HDAC9: variants seen among roughly 807,000 people sequenced by gnomAD.
HDAC9 encodes the protein MEF-2 interacting transcription repressor (MITR) protein.
HDAC9 carries 41 observed loss-of-function variants against 139.4 expected under a neutral mutation model. The observed-to-expected ratio is 0.29, with a 90% CI of 0.23 to 0.38. HDAC9 has a LOEUF of 0.38. HDAC9 is among the 10% of genes least tolerant of loss of function. The pLI is 1.00. For missense variants in HDAC9, 1,147 were observed against 1,297.0 expected (o/e 0.88, Z 1.78); for synonymous variants, 517 against 476.2 (o/e 1.09, Z -1.12).
At chr7:18,396,112 C>CCCTTG (rs1787020142) in intron 1 of HDAC9, among the ~76,000 whole-genome samples, 1 of 125,980 alleles carries the variant, frequency 7.9e-6, no homozygotes, top group African/African-American at 3.0e-5. Flanking sequence ...CCCTTCCCTT[C>CCCTTG]CCTTCCCTTC....
chr7:18,758,190 A>G (rs1396258673), intron 14 of HDAC9, among the ~76,000 whole-genome samples: 3 of 152,196 alleles, frequency 2.0e-5, no homozygotes, highest in African/African-American at 7.2e-5. Context: ...TATTGACTCC[A>G]GGTGAGAAAT....
chr7:18,205,952 C>T (rs1791478442), intron 2 of HDAC9, among the ~76,000 whole-genome samples: 1 of 151,906 alleles, frequency 6.6e-6, no homozygotes, highest in Non-Finnish European at 1.5e-5. Context: ...ATTGGTAATA[C>T]CTTTGGGATT....
At chr7:18,508,803 A>C (rs73685113) in intron 2 of HDAC9, among the ~76,000 whole-genome samples, 121 of 152,344 alleles carry the variant, frequency 7.9e-4, no homozygotes, top group African/African-American at 2.8e-3. Flanking sequence ...AGGAGTATGA[A>C]ATACAGTATT....
chr7:18,093,230 T>TGAAAG (rs892237682), intron 1 of HDAC9, among the ~76,000 whole-genome samples: 4 of 152,320 alleles, frequency 2.6e-5, no homozygotes, highest in African/African-American at 9.6e-5. Context: ...GTGGAGACTT[T>TGAAAG]GAAAGGCTAA....
chr7:18,421,460 A>G (rs1227934440), intron 1 of HDAC9, among the ~76,000 whole-genome samples: 1 of 151,612 alleles, frequency 6.6e-6, no homozygotes, highest in Non-Finnish European at 1.5e-5. Context: ...GAGAAAGAGA[A>G]AGAAAGAAAG....
At chr7:18,152,467 T>C (rs761374488) in intron 1 of HDAC9, among the ~76,000 whole-genome samples, 12 of 152,226 alleles carry the variant, frequency 7.9e-5, no homozygotes, top group Non-Finnish European at 1.3e-4. Flanking sequence ...GTTTCTCTTG[T>C]GCTTCTCATA....
chr7:18,564,351 A>C (rs1209463727), intron 2 of HDAC9, among the ~76,000 whole-genome samples: 1 of 152,224 alleles, frequency 6.6e-6, no homozygotes, highest in Non-Finnish European at 1.5e-5. Flanking sequence ...AATAAATGAG[A>C]AATTACAGTT....
At chr7:18,648,811 C>T (rs899309139) in intron 11 of HDAC9, 128 bp downstream of exon 11, 3 of 775,220 alleles carry the variant, frequency 3.9e-6, no homozygotes, top group South Asian at 3.4e-5. Flanking sequence ...TCATCCTAAG[C>T]CTGCTTTCTT....
At position 18,677,188 on chromosome 7, in the gene HDAC9, A is replaced by G. The variant is rs117016034; in HGVS notation, c.1731+10712A>G. ...TATTGATCTGTTATTCTGACACTAT[A>G]TATTAGTTTTTATTTTTCTAGAAGT... On this transcript the variant is annotated intron_variant, in intron 12 of 25. Coordinates refer to ENST00000686413, the MANE Select transcript of HDAC9 (RefSeq NM_178425.4). 9.8e-3 allele frequency among the ~76,000 whole-genome samples: 1,488 copies of G among 151,874 alleles called. 21 individuals carry two copies. The highest frequency in any genetic ancestry group is 0.013 in the Non-Finnish European group (888 of 67,840).
chr7:18,501,251 A>G (rs977551007), intron 2 of HDAC9, among the ~76,000 whole-genome samples: 1 of 152,144 alleles, frequency 6.6e-6, no homozygotes, highest in Non-Finnish European at 1.5e-5. Flanking sequence ...GATATTATAA[A>G]GTAGGGGAAT....
intron 2 of HDAC9, among the ~76,000 whole-genome samples, chr7:18,264,654 ACATT>A (rs1194934629): frequency 6.6e-6 from 1 of 152,192 alleles, no homozygotes; most frequent in Non-Finnish European, 1.5e-5. Context: ...TGAAGGATTA[ACATT>A]CTTATTTTAG....
At chr7:18,386,831 T>G (rs1039025138) in intron 1 of HDAC9, among the ~76,000 whole-genome samples, 2 of 152,244 alleles carry the variant, frequency 1.3e-5, no homozygotes, top group Non-Finnish European at 2.9e-5. Context: ...TGAATTCCAC[T>G]AATGGAATTT....
intron 22 of HDAC9, among the ~76,000 whole-genome samples, chr7:18,908,108 TG>T (rs1802427391): frequency 6.6e-6 from 1 of 152,062 alleles, no homozygotes. Context: ...AGACATGAAA[TG>T]TCTCAAATTA....
chr7:18,675,700 A>T (rs1412004193), intron 12 of HDAC9, among the ~76,000 whole-genome samples: 1 of 152,018 alleles, frequency 6.6e-6, no homozygotes, highest in African/African-American at 2.4e-5. Flanking sequence ...GGCAATATGT[A>T]TACGGCCCAG....
At chr7:18,752,273 A>C (rs910438717) in intron 14 of HDAC9, among the ~76,000 whole-genome samples, 1 of 152,108 alleles carries the variant, frequency 6.6e-6, no homozygotes, top group African/African-American at 2.4e-5. Flanking sequence ...TTGAAAGCGC[A>C]AGAAGGGTCC....
chr7:18,641,144 T>A (rs943477033), intron 8 of HDAC9, among the ~76,000 whole-genome samples: 5 of 152,104 alleles, frequency 3.3e-5, no homozygotes, highest in African/African-American at 9.7e-5. Context: ...GTGGCTTAAT[T>A]TAAATTCCAC....
At chr7:18,937,030 ATTTTTTTTTT>A (rs768350029) in intron 23 of HDAC9, among the ~76,000 whole-genome samples, 1 of 96,696 alleles carries the variant, frequency 1.0e-5, no homozygotes, top group African/African-American at 3.8e-5. Flanking sequence ...GCTCTTGTTA[ATTTTTTTTTT>A]TTTTTTTTTT....
intron 13 of HDAC9, among the ~76,000 whole-genome samples, chr7:18,735,942 T>C (rs1786849850): frequency 6.6e-6 from 1 of 152,176 alleles, no homozygotes; most frequent in Admixed American, 6.5e-5. Flanking sequence ...CTTGAAGAGG[T>C]GTTTCACATC....
At chr7:18,788,530 G>A (rs1792015874) in intron 16 of HDAC9, among the ~76,000 whole-genome samples, 1 of 152,014 alleles carries the variant, frequency 6.6e-6, no homozygotes. Context: ...TGAGGCAGAC[G>A]GATCACCTGA....
Sources: allele counts gnomAD v4.1 joint callset (sites outside exome capture counted in the v4.1 genomes callset), GRCh38; gene constraint gnomAD v4.1.1; transcripts MANE v1.5; gene names NCBI Gene and HGNC (gene_info 2026-07-23, HGNC 2026-07-21).